Variants in PLEKHM1 observed in about 807,000 individuals in gnomAD.
PLEKHM1 encodes pleckstrin homology and RUN domain containing M1.
Under a neutral mutation model 94.3 loss-of-function variants are expected in PLEKHM1, and 28 were observed. That is an observed-to-expected ratio of 0.30 (90% CI 0.22 to 0.41). The LOEUF is 0.41. PLEKHM1 is among the 10% of genes least tolerant of loss of function. The pLI, the probability that PLEKHM1 is intolerant of heterozygous loss-of-function variation, is 1.00. For synonymous variants in PLEKHM1, 424 were observed against 581.2 expected (o/e 0.73, Z 3.89); for missense variants, 907 against 1,358.6 (o/e 0.67, Z 5.22).
intron 9 of PLEKHM1, among the ~76,000 whole-genome samples, chr17:45,441,377 A>G (rs1283966236): frequency 2.2e-4 from 33 of 152,164 alleles, no homozygotes; most frequent in Admixed American, 2.2e-3. Context: ...AGTCTCACCA[A>G]GCAGCCACAC....
chr17:45,438,713 C>T (rs1173734401), intron 11 of PLEKHM1, among the ~76,000 whole-genome samples: 7 of 152,204 alleles, frequency 4.6e-5, no homozygotes, highest in African/African-American at 4.8e-5. Context: ...CCCACCACCA[C>T]ACCTGGCTTA....
rs1191245990 is a variant in PLEKHM1 at position 45,445,484 on chromosome 17, C to T, written c.2823G>A (p.Lys941=). The change falls in exon 9 of 12, where the codon AAG becomes AAA. Residue 941 remains lysine, a synonymous_variant. Coordinates refer to ENST00000430334, the MANE Select transcript of PLEKHM1 (RefSeq NM_014798.3). This position sits in a 1 kb window ranked among gnomAD's most constrained non-coding sequence, Gnocchi z 4.2. The part of the protein sequence containing the change: ...YLGLCRSGAL[K]ELSKRLNHRN... The stretch of plus-strand genomic sequence containing the variant: ...AGGTTGCTCACCTCTTGCTGAGCTC[C>T]TTCAGGGCGCCACTCCGGCACAGGC... 1.2e-5 allele frequency: 19 copies of T among 1,613,834 alleles called. 1 individual carries two copies. The highest frequency in any genetic ancestry group is 3.3e-4 in the Middle Eastern group (2 of 6,054).
rs780223148 is a variant in PLEKHM1, at chr17:45,479,842, C to T, written c.49-1695G>A. ...CTCAATAAATGTTTGTTAAATGATACACCACAAAATGTACATAGAGTCTTT... is the reference window on the plus strand; with the variant it reads ...CTCAATAAATGTTTGTTAAATGATATACCACAAAATGTACATAGAGTCTTT... On this transcript the variant is annotated intron_variant, in intron 2 of 11. Transcript: ENST00000430334. 5.3e-5 allele frequency among the ~76,000 whole-genome samples: 8 copies of T among 152,192 alleles called. No homozygotes were observed. The East Asian group carries it at 9.6e-4, about 18-fold the overall frequency.
chr17:45,442,110 T>C (rs1212206010), intron 9 of PLEKHM1, among the ~76,000 whole-genome samples: 1 of 152,132 alleles, frequency 6.6e-6, no homozygotes, highest in East Asian at 1.9e-4. Flanking sequence ...ATTTCTGTGA[T>C]GGCTTCCTCC....
chr17:45,464,315 C>A (rs2051250473), intron 5 of PLEKHM1, among the ~76,000 whole-genome samples: 1 of 152,192 alleles, frequency 6.6e-6, no homozygotes. Flanking sequence ...TGGTGCTTGG[C>A]TTATAGTAGG....
In PLEKHM1 at chr17:45,437,641, G is replaced by A. The variant is rs1431158718; in HGVS notation, c.*217C>T. The A allele has an allele frequency of 8.9e-6, 6 of 677,686 alleles. No individual in the cohort carries two copies. The highest frequency in any genetic ancestry group is 1.8e-5 in the African/African-American group (1 of 56,354). The allele number at this position is 677,686 out of a possible 1,614,324, so 42.0% of individuals were successfully genotyped here. A position where few individuals can be genotyped will look rare whatever the true frequency, so the allele number is the denominator to read the frequency against. On this transcript the variant is annotated 3_prime_UTR_variant, in exon 12 of 12. Transcript: ENST00000430334. This position sits in a 1 kb window ranked among gnomAD's most constrained non-coding sequence, Gnocchi z 4.0. ...ACAGGGAGCATCTGGTGGTGGCCAC[G>A]CCTCCTGCAGCAGAGGGGTGGGGGG...
In PLEKHM1 at chr17:45,445,338, A is replaced by G. The variant is rs1482648410; in HGVS notation, c.2837+132T>C. The G allele has an allele frequency of 5.4e-6, 4 of 741,278 alleles. No homozygotes were observed. Among genetic ancestry groups the G allele is most frequent in the African/African-American group, 5.2e-5 (3 of 57,836 alleles). 45.9% of individuals were successfully genotyped at this position (741,278 alleles called of 1,614,324 possible). ...GTGGATGTCTATGCATTTGTGTATAAATTTATGTGTGTGGGTATGTGTGCA... is the reference window on the plus strand; with the variant it reads ...GTGGATGTCTATGCATTTGTGTATAGATTTATGTGTGTGGGTATGTGTGCA... On this transcript the variant is annotated intron_variant, in intron 9 of 11. Coordinates refer to ENST00000430334, the MANE Select transcript of PLEKHM1 (RefSeq NM_014798.3). The surrounding 1 kb of genome is among the most constrained non-coding windows in gnomAD (Gnocchi z 4.2).
chr17:45,439,530 C>G lies in PLEKHM1; in HGVS notation c.3006G>C (p.Gln1002His). 1 of 1,614,254 alleles carries G rather than the reference C, an allele frequency of 6.2e-7. No homozygotes were observed. The highest frequency in any genetic ancestry group is 8.5e-7 in the Non-Finnish European group (1 of 1,180,048). Reference protein sequence around the residue: ...DLCTQRGFICQICQHHDIIFP... With the variant: ...DLCTQRGFICHICQHHDIIFP... ...AGATGATGTCGTGGTGCTGGCAGAT[C>G]TGGCAGATGAAGCCGCGCTGGGTGC... Residue 1002 changes from glutamine to histidine, a missense_variant, in exon 11 of 12, where the codon CAG (glutamine) becomes CAC (histidine). By Grantham distance (24) the Gln-to-His change is conservative. Transcript: ENST00000430334.
At chr17:45,459,524 C>T (rs1258377812) in intron 5 of PLEKHM1, 2 of 150,868 alleles carry the variant, frequency 1.3e-5, no homozygotes, top group African/African-American at 2.4e-5. Flanking sequence ...ATCCACTCCT[C>T]GGCTGATGGA....
intron 6 of PLEKHM1, chr17:45,455,040 G>A (rs1209943238): frequency 3.2e-5 from 5 of 156,506 alleles, no homozygotes; most frequent in Non-Finnish European, 5.7e-5. Context: ...GCAGGAGAAT[G>A]GCTTGAACCG....
chr17:45,483,432 GT>G (rs1160193513), intron 1 of PLEKHM1, among the ~76,000 whole-genome samples: 6 of 136,040 alleles, frequency 4.4e-5, no homozygotes, highest in Admixed American at 1.5e-4. Context: ...GTGGGGTGGG[GT>G]GGGGTGGGGT....
chr17:45,437,765 A>AGGAAGACCCTCAGATGTGG lies in PLEKHM1; in HGVS notation c.*92_*93insCCACATCTGAGGGTCTTCC. On this transcript the variant is annotated 3_prime_UTR_variant, in exon 12 of 12. Transcript: ENST00000430334. This position sits in a 1 kb window ranked among gnomAD's most constrained non-coding sequence, Gnocchi z 4.0. Reference sequence around the variant, plus strand: ...TTCCTGACAAGGGGACACAGCTGTGACACGGTGAGTATCCTGGGCTGATGG... The same window carrying AGGAAGACCCTCAGATGTGG: ...TTCCTGACAAGGGGACACAGCTGTGAGGAAGACCCTCAGATGTGGCACGGTGAGTATCCTGGGCTGATGG... The AGGAAGACCCTCAGATGTGG allele has an allele frequency of 2.1e-6, 2 of 961,066 alleles. No individual in the cohort carries two copies. The highest frequency in any genetic ancestry group is 3.4e-6 in the Non-Finnish European group (2 of 590,278). 59.5% of individuals were successfully genotyped at this position (961,066 alleles called of 1,614,324 possible).
chr17:45,461,079 G>C (rs993306249), intron 5 of PLEKHM1, among the ~76,000 whole-genome samples: 2 of 152,010 alleles, frequency 1.3e-5, no homozygotes, highest in Non-Finnish European at 2.9e-5. Context: ...AGTAGAGACG[G>C]TGTTTCACCA....
rs1410761548 is a variant in PLEKHM1 at position 45,444,594 on chromosome 17, C to T, written c.2837+876G>A. Among the ~76,000 whole-genome samples, 4 of 152,220 alleles carry T rather than the reference C, an allele frequency of 2.6e-5. No homozygotes were observed. The highest frequency in any genetic ancestry group is 2.0e-4 in the Admixed American group (3 of 15,292). On this transcript the variant is annotated intron_variant, in intron 9 of 11. Coordinates refer to ENST00000430334, the MANE Select transcript of PLEKHM1 (RefSeq NM_014798.3). This position sits in a 1 kb window ranked among gnomAD's most constrained non-coding sequence, Gnocchi z 5.0. Reference sequence around the variant, plus strand: ...AAGAGATGGGAACATCTGGCCCTCACCTGCCTCTCGCCACACTCCCCACTT... The same window carrying T: ...AAGAGATGGGAACATCTGGCCCTCATCTGCCTCTCGCCACACTCCCCACTT...
chr17:45,454,668 CCT>C (rs1244771701), intron 6 of PLEKHM1: 48 of 400,088 alleles, frequency 1.2e-4, no homozygotes, highest in Non-Finnish European at 2.1e-4. Context: ...GCAGTCCTCT[CCT>C]CTGTCACTGC....
chr17:45,469,973 T>C (rs1474411780), intron 4 of PLEKHM1, among the ~76,000 whole-genome samples: 2 of 151,960 alleles, frequency 1.3e-5, no homozygotes, highest in Admixed American at 6.6e-5. Context: ...CTCAGGAGGC[T>C]GAGGCAGAGA....
In PLEKHM1 at chr17:45,445,523, C is replaced by T. The variant is rs1331345265; in HGVS notation, c.2784G>A (p.Leu928=). The part of the protein sequence containing the change: ...IGRRREQLKL[L]GDYLGLCRSG... ...TCCGGCACAGGCCCAGGTAATCCCC[C>T]AGGAGCTTCAGCTGCTCCCGTCTCC... The change falls in exon 9 of 12, where the codon CTG becomes CTA. Residue 928 remains leucine (L), a synonymous_variant. Coordinates refer to ENST00000430334, the MANE Select transcript of PLEKHM1 (RefSeq NM_014798.3). This position sits in a 1 kb window ranked among gnomAD's most constrained non-coding sequence, Gnocchi z 4.2. 6.2e-7 allele frequency: 1 copy of T among 1,613,910 alleles called. No homozygotes were observed.
At position 45,489,580 on chromosome 17, in the gene PLEKHM1, A is replaced by G. The variant is rs542626250; in HGVS notation, c.-42+1072T>C. Among the ~76,000 whole-genome samples the G allele has an allele frequency of 6.6e-5, 10 of 152,270 alleles. 1 individual carries two copies. In the South Asian group the frequency reaches 2.1e-3, roughly 32 times the overall value. ...ATGAATGCCAAAAACACAATCCCTG[A>G]GGACAGGTGCAGGAGACCAGATGCC... On this transcript the variant is annotated intron_variant, in intron 1 of 11. Transcript: ENST00000430334.
rs1283842066 is a variant in PLEKHM1 at position 45,437,796 on chromosome 17, C to T, written c.*62G>A. ...TGAGTATCCTGGGCTGATGGCAAAC[C>T]CAGCCGGGATGGCTGAGCCACACTC... On this transcript the variant is annotated 3_prime_UTR_variant, in exon 12 of 12. Coordinates refer to ENST00000430334, the MANE Select transcript of PLEKHM1 (RefSeq NM_014798.3). This position sits in a 1 kb window ranked among gnomAD's most constrained non-coding sequence, Gnocchi z 4.0. 7.5e-7 allele frequency: 1 copy of T among 1,334,738 alleles called. No individual in the cohort carries two copies. The highest frequency in any genetic ancestry group is 2.3e-5 in the East Asian group (1 of 43,644). The allele number at this position is 1,334,738 out of a possible 1,614,324, so 82.7% of individuals were successfully genotyped here.
Sources: allele counts gnomAD v4.1 joint callset (sites outside exome capture counted in the v4.1 genomes callset), GRCh38; gene constraint gnomAD v4.1.1; non-coding constraint Gnocchi (gnomAD v3.1); transcripts MANE v1.5; gene names NCBI Gene and HGNC (gene_info 2026-07-23, HGNC 2026-07-21).